Variants in PFKL observed in about 807,000 individuals in gnomAD.
The protein encoded by PFKL is phosphofructokinase, liver type.
PFKL carries 74 observed loss-of-function variants against 92.1 expected under a neutral mutation model. The observed-to-expected ratio is 0.80, with a 90% CI of 0.67 to 0.97. The LOEUF (loss-of-function observed/expected upper bound fraction) is 0.97, where lower values mean the gene tolerates loss of function less well. Ranked by LOEUF, PFKL falls within the 50% of genes least tolerant of loss-of-function variation. The pLI, the probability that PFKL is intolerant of heterozygous loss-of-function variation, is 0.00. For synonymous variants in PFKL, 494 were observed against 456.4 expected, an observed-to-expected ratio of 1.08 and a Z score of -1.05; for missense variants, 1,028 against 1,116.6, an observed-to-expected ratio of 0.92 and a Z score of 1.13.
Position 44,314,238 on chromosome 21 carries a change from G to T in PFKL, c.747+217G>T. ...TCCTGCCCCCAGTGGGCAGGAGGCGGAGAGGGTCACTCAGGCTGCCGCCGC... is the reference window on the plus strand; with the variant it reads ...TCCTGCCCCCAGTGGGCAGGAGGCGTAGAGGGTCACTCAGGCTGCCGCCGC... On this transcript the variant is annotated intron_variant, in intron 7 of 21. Transcript: ENST00000349048. The T allele has an allele frequency of 5.3e-6, 3 of 569,564 alleles. No homozygotes were observed. The South Asian group carries it at 6.6e-5, about 13-fold the overall frequency. 35.3% of individuals were successfully genotyped at this position (569,564 alleles called of 1,614,324 possible). A position where few individuals can be genotyped will look rare whatever the true frequency, so the allele number is the denominator to read the frequency against.
intron 18 of PFKL, 33 bp downstream of exon 18, chr21:44,324,950 C>T (rs546055162): frequency 3.9e-5 from 62 of 1,569,760 alleles, no homozygotes; most frequent in Admixed American, 7.3e-5. Context: ...GCCACAGCTG[C>T]GCGTCCAACT....
chr21:44,312,656 G>A (rs2047081695), intron 4 of PFKL, among the ~76,000 whole-genome samples: 1 of 152,254 alleles, frequency 6.6e-6, no homozygotes, highest in Non-Finnish European at 1.5e-5. Flanking sequence ...GGTGACATAA[G>A]ACACAGAGTC....
At chr21:44,309,457 G>A (rs1329878339) in intron 2 of PFKL, among the ~76,000 whole-genome samples, 2 of 152,156 alleles carry the variant, frequency 1.3e-5, no homozygotes, top group Non-Finnish European at 2.9e-5. Flanking sequence ...AACAGAGTGG[G>A]TAGAGGGGGG....
At chr21:44,311,693 C>T (rs993771881) in intron 3 of PFKL, among the ~76,000 whole-genome samples, 4 of 152,152 alleles carry the variant, frequency 2.6e-5, no homozygotes, top group Non-Finnish European at 5.9e-5. Context: ...CTGAGGCTGG[C>T]TATGAGGGGC....
At chr21:44,325,427 G>C in intron 19 of PFKL, 163 bp downstream of exon 19, 1 of 606,760 alleles carries the variant, frequency 1.6e-6, no homozygotes, top group Non-Finnish European at 3.0e-6. Context: ...CCTGTATCTA[G>C]GTGAGGTCTC....
intron 2 of PFKL, among the ~76,000 whole-genome samples, 174 bp downstream of exon 2, chr21:44,306,928 C>A (rs778903090): frequency 6.6e-6 from 1 of 152,184 alleles, no homozygotes; most frequent in African/African-American, 2.4e-5. Flanking sequence ...CCAAAGGCAT[C>A]TGCAGAAAGA....
Position 44,316,249 on chromosome 21 carries a change from GA to G in PFKL, c.754del (p.Ser252AlafsTer6), listed in dbSNP as rs909477456. ...CTGTCGTGTCTTTGACCCAGACTCGGAGCCGTGGGTCCCGACTGAACATCAT... is the reference window on the plus strand; with the variant it reads ...CTGTCGTGTCTTTGACCCAGACTCGGGCCGTGGGTCCCGACTGAACATCAT... The part of the protein sequence containing the change: ...FMCERLGETR[S>X]RGSRLNIIII... On this transcript the variant is annotated frameshift_variant, in exon 8 of 22. Transcript: ENST00000349048. LOFTEE classifies it high-confidence loss of function. The G allele has an allele frequency of 1.2e-6, 2 of 1,612,870 alleles. No individual in the cohort carries two copies. The highest frequency in any genetic ancestry group is 8.5e-7 in the Non-Finnish European group (1 of 1,179,900).
intron 1 of PFKL, chr21:44,305,812 G>T: frequency 7.3e-7 from 1 of 1,366,920 alleles, no homozygotes; most frequent in South Asian, 1.1e-5. Flanking sequence ...AACTGGCTTT[G>T]CCAAGGCCCC....
intron 2 of PFKL, among the ~76,000 whole-genome samples, chr21:44,309,107 G>T (rs984455836): frequency 3.9e-5 from 6 of 152,138 alleles, no homozygotes; most frequent in Non-Finnish European, 5.9e-5. Flanking sequence ...AGAGGCAGAA[G>T]GGGGAGGTCA....
Position 44,325,099 on chromosome 21 carries a change from C to A in PFKL, c.1878-54C>A, listed in dbSNP as rs928303. On this transcript the variant is annotated intron_variant, in intron 18 of 21. Transcript: ENST00000349048. ...GCCTGGCCCAGCGGGGACTCAGGAT[C>A]GGGGGGAGACCTGAACTCGTTCCCG... 3.0e-6 allele frequency: 4 copies of A among 1,334,780 alleles called. No individual in the cohort carries two copies. In the African/African-American group the frequency reaches 4.3e-5, roughly 14 times the overall value. 82.7% of individuals were successfully genotyped at this position (1,334,780 alleles called of 1,614,324 possible).
rs748847130 is a variant in PFKL, at chr21:44,324,610, C to T, written c.1770C>T (p.Asp590=). Residue 590 remains aspartate, a synonymous_variant, in exon 17 of 22, where the codon GAC becomes GAT. Coordinates refer to ENST00000349048, the MANE Select transcript of PFKL (RefSeq NM_002626.6). ...TGACTGGCATTGCTGTGGGGGCCGA[C>T]GCCGCCTACGTCTTCGAGGACCCTT... ...ATVTGIAVGA[D]AAYVFEDPFN... 26 of 1,610,690 alleles carry T rather than the reference C, an allele frequency of 1.6e-5. No homozygotes were observed. The highest frequency in any genetic ancestry group is 1.0e-4 in the Admixed American group (6 of 59,708).
Position 44,312,101 on chromosome 21 carries a change from G to T in PFKL, c.238-4G>T. ...TCCTGAAGTTTCTGGTCTCCTCTGT[G>T]CAGGGCGGCACTATCATTGGCAGCG... On this transcript the variant is annotated splice_polypyrimidine_tract_variant and splice_region_variant and intron_variant, in intron 3 of 21. Coordinates refer to ENST00000349048, the MANE Select transcript of PFKL (RefSeq NM_002626.6). 1 of 1,525,300 alleles carries T rather than the reference G, an allele frequency of 6.6e-7. No individual in the cohort carries two copies. The highest frequency in any genetic ancestry group is 8.8e-7 in the Non-Finnish European group (1 of 1,136,182). 94.5% of individuals were successfully genotyped at this position (1,525,300 alleles called of 1,614,324 possible).
intron 1 of PFKL, chr21:44,305,667 G>A: frequency 1.1e-6 from 1 of 936,210 alleles, no homozygotes; most frequent in South Asian, 1.6e-5. Flanking sequence ...CTGAAGATTA[G>A]GTGGTCTTGG....
intron 1 of PFKL, among the ~76,000 whole-genome samples, chr21:44,301,152 G>A (rs1017171603): frequency 1.3e-5 from 2 of 152,228 alleles, no homozygotes; most frequent in Non-Finnish European, 1.5e-5. Context: ...TCCCTATCTG[G>A]AAGCCAGGAA....
chr21:44,311,216 GCACA>G lies in PFKL; in HGVS notation c.237+136_237+139del, dbSNP rs923712907. On this transcript the variant is annotated intron_variant, in intron 3 of 21. Coordinates refer to ENST00000349048, the MANE Select transcript of PFKL (RefSeq NM_002626.6). ...CACACACATGCAGACACACAGACAT[GCACA>G]CAGACGCACACACACACAGATGTGC... The G allele has an allele frequency of 3.4e-5, 22 of 643,856 alleles. No homozygotes were observed. In the African/African-American group the frequency reaches 3.9e-4, roughly 11 times the overall value. 39.9% of individuals were successfully genotyped at this position (643,856 alleles called of 1,614,324 possible). A position where few individuals can be genotyped will look rare whatever the true frequency, so the allele number is the denominator to read the frequency against.
chr21:44,319,261 C>A, intron 10 of PFKL, 90 bp from the exon 11 acceptor site: 1 of 1,122,054 alleles, frequency 8.9e-7, no homozygotes, highest in South Asian at 1.2e-5. Context: ...CCGGCCAGAT[C>A]TGCCCTCGTC....
chr21:44,314,095 C>T, intron 7 of PFKL, 74 bp downstream of exon 7: 1 of 991,494 alleles, frequency 1.0e-6, no homozygotes, highest in Non-Finnish European at 1.5e-6. Flanking sequence ...GTTTTGGGAC[C>T]AGCCTTGACC....
chr21:44,325,540 TCCGCCGAA>T, intron 19 of PFKL: 1 of 543,566 alleles, frequency 1.8e-6, no homozygotes. Context: ...CGCGGCCACT[TCCGCCGAA>T]CCCCTCACCT....
intron 2 of PFKL, chr21:44,307,361 G>A: frequency 1.0e-6 from 1 of 957,270 alleles, no homozygotes; most frequent in Non-Finnish European, 1.2e-6. Context: ...GCTCACACAT[G>A]TGCACACACA....
Sources: gnomAD v4.1 joint callset for allele counts (sites outside exome capture counted in the v4.1 genomes callset) on GRCh38, gnomAD v4.1.1 for gene constraint, MANE v1.5 for transcripts, NCBI Gene and HGNC (gene_info 2026-07-23, HGNC 2026-07-21) for gene names.